TMEM132D: variants seen among roughly 807,000 people sequenced by gnomAD.
TMEM132D encodes the protein transmembrane protein 132D.
TMEM132D carries 21 observed loss-of-function variants against 62.3 expected under a neutral mutation model. The observed-to-expected ratio is 0.34, with a 90% CI of 0.24 to 0.49. TMEM132D has a LOEUF of 0.49. TMEM132D is among the 20% of genes least tolerant of loss of function. The probability of loss-of-function intolerance (pLI) is 0.99; values close to 1 mark genes in which losing one functional copy is unlikely to be tolerated. For synonymous variants in TMEM132D, 621 were observed against 575.6 expected (o/e 1.08, Z -1.13); for missense variants, 1,346 against 1,402.8 (o/e 0.96, Z 0.65).
intron 1 of TMEM132D, among the ~76,000 whole-genome samples, chr12:129,863,320 G>A (rs1873955281): frequency 6.6e-6 from 1 of 151,786 alleles, no homozygotes; most frequent in East Asian, 1.9e-4. Context: ...GCAAAACCAT[G>A]TTCTTCCCAA....
At chr12:129,131,130 A>C (rs1475279001) in intron 5 of TMEM132D, among the ~76,000 whole-genome samples, 1 of 152,194 alleles carries the variant, frequency 6.6e-6, no homozygotes, top group Non-Finnish European at 1.5e-5. Context: ...CCTGAAAACC[A>C]AGTATGTTTT....
At chr12:129,406,223 T>C (rs893652245) in intron 3 of TMEM132D, among the ~76,000 whole-genome samples, 1 of 152,212 alleles carries the variant, frequency 6.6e-6, no homozygotes, top group African/African-American at 2.4e-5. Flanking sequence ...AAGAAAGTTT[T>C]GTAAGTAGTC....
intron 3 of TMEM132D, among the ~76,000 whole-genome samples, chr12:129,407,772 G>C (rs889949859): frequency 1.3e-5 from 2 of 151,776 alleles, no homozygotes; most frequent in Admixed American, 6.6e-5. Context: ...TGTGGTGGCG[G>C]GTGCCTGTAG....
intron 2 of TMEM132D, among the ~76,000 whole-genome samples, chr12:129,684,556 G>A (rs1360998241): frequency 6.6e-6 from 1 of 152,014 alleles, no homozygotes; most frequent in African/African-American, 2.4e-5. Flanking sequence ...CAGAGAGTGG[G>A]GTGCTGCTAT....
chr12:129,710,605 A>T (rs944366189), intron 1 of TMEM132D, among the ~76,000 whole-genome samples: 1 of 152,146 alleles, frequency 6.6e-6, no homozygotes, highest in African/African-American at 2.4e-5. Flanking sequence ...CGATTATTTA[A>T]TTGGAAAAAC....
chr12:129,761,610 C>G (rs144849021), intron 1 of TMEM132D, among the ~76,000 whole-genome samples: 2,064 of 152,334 alleles, frequency 0.014, 26 homozygotes, highest in Admixed American at 0.027. Flanking sequence ...CTCTTCTGCT[C>G]TCTCTCGGTT....
At chr12:129,796,848 C>T (rs573045872) in intron 1 of TMEM132D, among the ~76,000 whole-genome samples, 45 of 152,042 alleles carry the variant, frequency 3.0e-4, no homozygotes, top group Non-Finnish European at 5.3e-4. Context: ...CTGCACGTTC[C>T]GCACATGTAC....
intron 1 of TMEM132D, among the ~76,000 whole-genome samples, chr12:129,753,442 G>A (rs1234328177): frequency 6.6e-6 from 1 of 152,118 alleles, no homozygotes; most frequent in Non-Finnish European, 1.5e-5. Context: ...GAATTGTTTT[G>A]TACGAGTCTT....
intron 1 of TMEM132D, chr12:129,854,478 T>TC (rs1873652427): frequency 6.6e-6 from 1 of 152,158 alleles, no homozygotes; most frequent in African/African-American, 2.4e-5. Flanking sequence ...TCCCCACAAT[T>TC]CCCCACAGTT....
At chr12:129,573,224 G>A (rs556939168) in intron 2 of TMEM132D, among the ~76,000 whole-genome samples, 60 of 152,230 alleles carry the variant, frequency 3.9e-4, no homozygotes, top group Non-Finnish European at 6.6e-4. Context: ...GATGGTTGTG[G>A]GCCGGGCTGG....
chr12:129,597,156 A>G (rs931456195), intron 2 of TMEM132D, among the ~76,000 whole-genome samples: 3 of 152,118 alleles, frequency 2.0e-5, no homozygotes, highest in African/African-American at 7.2e-5. Flanking sequence ...TTTGTTTCCA[A>G]ATATTTTCTA....
At chr12:129,401,996 G>A (rs1260099758) in intron 3 of TMEM132D, among the ~76,000 whole-genome samples, 1 of 152,134 alleles carries the variant, frequency 6.6e-6, no homozygotes, top group Non-Finnish European at 1.5e-5. Flanking sequence ...CATGAGGGAG[G>A]GTGGCACGTT....
At chr12:129,420,441 A>C (rs75716062) in intron 3 of TMEM132D, among the ~76,000 whole-genome samples, 114 of 151,728 alleles carry the variant, frequency 7.5e-4, no homozygotes, top group African/African-American at 2.6e-3. Flanking sequence ...AACCATCTCA[A>C]ATACCGTGAA....
chr12:129,133,480 C>T (rs531899369), intron 5 of TMEM132D, among the ~76,000 whole-genome samples: 123 of 152,380 alleles, frequency 8.1e-4, no homozygotes, highest in Non-Finnish European at 1.2e-3. Flanking sequence ...TGCAGACCTG[C>T]TTCTTGATCT....
chr12:129,430,890 G>A (rs189850847), intron 3 of TMEM132D, among the ~76,000 whole-genome samples: 7 of 152,316 alleles, frequency 4.6e-5, no homozygotes, highest in Non-Finnish European at 8.8e-5. Flanking sequence ...AGGAGAGTGG[G>A]GGGAGACAGG....
intron 3 of TMEM132D, among the ~76,000 whole-genome samples, chr12:129,466,317 T>C (rs1434204468): frequency 4.7e-5 from 4 of 85,752 alleles, no homozygotes; most frequent in Non-Finnish European, 7.0e-5. Flanking sequence ...TTTTTTTTTT[T>C]TTTTTTTAGA....
At chr12:129,285,496 C>T (rs915564708) in intron 4 of TMEM132D, among the ~76,000 whole-genome samples, 1 of 117,240 alleles carries the variant, frequency 8.5e-6, no homozygotes, top group African/African-American at 3.2e-5. Flanking sequence ...CATTGCACTG[C>T]AGCCTGGGTG....
intron 1 of TMEM132D, among the ~76,000 whole-genome samples, chr12:129,798,592 C>A (rs1871635305): frequency 6.6e-6 from 1 of 152,068 alleles, no homozygotes. Flanking sequence ...GCACTGTGCC[C>A]ATTAGGAGAT....
intron 5 of TMEM132D, among the ~76,000 whole-genome samples, chr12:129,167,398 C>G (rs1364461701): frequency 6.6e-6 from 1 of 152,112 alleles, no homozygotes; most frequent in Non-Finnish European, 1.5e-5. Context: ...CCCCACGCAA[C>G]TCATTTAAGT....
Sources: gnomAD v4.1 joint callset for allele counts (sites outside exome capture counted in the v4.1 genomes callset) on GRCh38, gnomAD v4.1.1 for gene constraint, MANE v1.5 for transcripts, NCBI Gene and HGNC (gene_info 2026-07-23, HGNC 2026-07-21) for gene names.